Variants in ACTR3C observed in about 807,000 individuals in gnomAD.
The protein encoded by ACTR3C is actin related protein 3C.
A neutral mutation model predicts 26.3 loss-of-function variants in ACTR3C; 18 were observed. That is an observed-to-expected ratio of 0.68 (90% CI 0.47 to 1.01). The LOEUF (loss-of-function observed/expected upper bound fraction) is 1.01. Ranked by LOEUF, ACTR3C falls within the 50% of genes least tolerant of loss-of-function variation. ACTR3C has a pLI of 0.00. For synonymous variants in ACTR3C, 55 were observed against 94.5 expected, an observed-to-expected ratio of 0.58 and a Z score of 2.42; for missense variants, 184 against 250.7, an observed-to-expected ratio of 0.73 and a Z score of 1.80.
the ACTR3C span, among the ~76,000 whole-genome samples, chr7:150,035,923 T>TC: frequency 3.9e-5 from 5 of 127,390 alleles, 1 homozygote; most frequent in Admixed American, 7.5e-5. Context: ...GGGGGGTGCC[T>TC]CGCCCTCCTG....
chr7:150,221,099 A>T, the ACTR3C span, among the ~76,000 whole-genome samples: 3 of 152,266 alleles, frequency 2.0e-5, no homozygotes, highest in Non-Finnish European at 2.9e-5. Context: ...TGCACGAGCT[A>T]CAGCGGAGGG....
chr7:150,219,507 G>C, the ACTR3C span, among the ~76,000 whole-genome samples: 4 of 144,070 alleles, frequency 2.8e-5, no homozygotes, highest in Non-Finnish European at 4.4e-5. Flanking sequence ...CAACCTAAGC[G>C]GAATGGCAGA....
At chr7:149,990,174 T>C in the ACTR3C span, among the ~76,000 whole-genome samples, 545 of 152,204 alleles carry the variant, frequency 3.6e-3, 5 homozygotes, top group African/African-American at 0.012. Flanking sequence ...GTGAGCTCCA[T>C]TGCACCCTTC....
At chr7:150,036,195 G>A in the ACTR3C span, among the ~76,000 whole-genome samples, 1 of 146,250 alleles carries the variant, frequency 6.8e-6, no homozygotes, top group Non-Finnish European at 1.6e-5. Context: ...AGAGCCAGGG[G>A]GGAAGAGGGG....
At chr7:150,233,936 A>T in the ACTR3C span, among the ~76,000 whole-genome samples, 1 of 152,166 alleles carries the variant, frequency 6.6e-6, no homozygotes, top group Non-Finnish European at 1.5e-5. Flanking sequence ...TCAGTGAGGC[A>T]AACAGGCCTT....
the ACTR3C span, among the ~76,000 whole-genome samples, chr7:150,029,630 C>CT: frequency 2.0e-5 from 3 of 152,012 alleles, no homozygotes; most frequent in African/African-American, 7.3e-5. Context: ...AACATTACTG[C>CT]TTTTTGGAAA....
the ACTR3C span, among the ~76,000 whole-genome samples, chr7:149,922,513 T>C: frequency 2.0e-5 from 3 of 150,258 alleles, no homozygotes; most frequent in Non-Finnish European, 4.4e-5. Context: ...CGACTGTGAG[T>C]AGTACCTTCA....
chr7:150,011,358 A>C, the ACTR3C span, among the ~76,000 whole-genome samples: 2 of 152,024 alleles, frequency 1.3e-5, no homozygotes, highest in Non-Finnish European at 2.9e-5. Flanking sequence ...AGGCCAAGGC[A>C]GGCAGATCAC....
the ACTR3C span, among the ~76,000 whole-genome samples, chr7:150,161,662 C>T: frequency 4.6e-5 from 7 of 152,146 alleles, no homozygotes; most frequent in African/African-American, 1.7e-4. Context: ...CATCCCATTA[C>T]TGGGTATATA....
chr7:150,300,913 C>A (rs1795398167), intron 1 of ACTR3C, among the ~76,000 whole-genome samples: 1 of 152,122 alleles, frequency 6.6e-6, no homozygotes, highest in African/African-American at 2.4e-5. Flanking sequence ...AGATTTCCTT[C>A]ATTTAAAGCA....
chr7:150,321,749 A>C (rs1797535612), intron 1 of ACTR3C, among the ~76,000 whole-genome samples: 1 of 152,222 alleles, frequency 6.6e-6, no homozygotes, highest in South Asian at 2.1e-4. Flanking sequence ...CAAAAAAATA[A>C]AAATAAAAAT....
chr7:150,121,942 G>A, the ACTR3C span, among the ~76,000 whole-genome samples: 1 of 152,008 alleles, frequency 6.6e-6, no homozygotes, highest in Non-Finnish European at 1.5e-5. Flanking sequence ...ACAACCATCT[G>A]ATCTTTGACA....
chr7:149,988,956 T>C, the ACTR3C span, among the ~76,000 whole-genome samples: 1 of 152,250 alleles, frequency 6.6e-6, no homozygotes, highest in East Asian at 1.9e-4. Context: ...GAGCTCCAGG[T>C]GGCCCTGACA....
chr7:150,283,226 T>G (rs1835492005), intron 6 of ACTR3C, among the ~76,000 whole-genome samples: 1 of 149,404 alleles, frequency 6.7e-6, no homozygotes, highest in Non-Finnish European at 1.5e-5. Context: ...TTGAACAGTG[T>G]TCCCTGCTGC....
the ACTR3C span, among the ~76,000 whole-genome samples, chr7:150,207,486 T>C: frequency 6.6e-6 from 1 of 152,208 alleles, no homozygotes; most frequent in Non-Finnish European, 1.5e-5. Context: ...CACGGATCGA[T>C]GCTTGCTGAA....
the ACTR3C span, among the ~76,000 whole-genome samples, chr7:150,188,104 A>C: frequency 6.6e-6 from 1 of 151,388 alleles, no homozygotes; most frequent in Non-Finnish European, 1.5e-5. Context: ...CCACTTCCCC[A>C]AGGTACCCTA....
the ACTR3C span, among the ~76,000 whole-genome samples, chr7:149,909,991 A>C: frequency 6.2e-5 from 9 of 144,076 alleles, no homozygotes; most frequent in South Asian, 6.5e-4. Flanking sequence ...TAACTTTAAA[A>C]GTGCCTTTAC....
At chr7:149,990,823 C>A in the ACTR3C span, among the ~76,000 whole-genome samples, 2 of 152,002 alleles carry the variant, frequency 1.3e-5, no homozygotes, top group Non-Finnish European at 2.9e-5. Flanking sequence ...TGGGCAGGCA[C>A]ATAATCTGTG....
At chr7:150,042,596 T>C in the ACTR3C span, among the ~76,000 whole-genome samples, 27 of 147,448 alleles carry the variant, frequency 1.8e-4, no homozygotes, top group Non-Finnish European at 3.1e-4. Flanking sequence ...CTCCCCCCAC[T>C]GCGATGGGAG....
Sources: allele counts gnomAD v4.1 joint callset (sites outside exome capture counted in the v4.1 genomes callset), GRCh38; gene constraint gnomAD v4.1.1; transcripts MANE v1.5; gene names NCBI Gene and HGNC (gene_info 2026-07-23, HGNC 2026-07-21).